Variants in CACNA1D observed in about 807,000 individuals in gnomAD.
CACNA1D encodes calcium voltage-gated channel subunit alpha1 D, also known as voltage-dependent L-type calcium channel subunit alpha-1D.
In CACNA1D, 55 loss-of-function variants were observed where a neutral mutation model predicts 257.1. The ratio of observed to expected loss-of-function variants is 0.21; its 90% confidence interval spans 0.17 to 0.27. The LOEUF (loss-of-function observed/expected upper bound fraction) is 0.27, where lower values mean the gene tolerates loss of function less well. CACNA1D is among the 10% of genes least tolerant of loss of function. CACNA1D has a pLI of 1.00. For missense variants in CACNA1D, 1,876 were observed against 2,784.0 expected (o/e 0.67, Z 7.34); for synonymous variants, 980 against 1,014.9 (o/e 0.97, Z 0.65).
intron 3 of CACNA1D, among the ~76,000 whole-genome samples, chr3:53,593,484 T>A (rs550729024): frequency 6.6e-6 from 1 of 152,220 alleles, no homozygotes; most frequent in African/African-American, 2.4e-5. Flanking sequence ...GTAAATACTT[T>A]GGAAGAAATA....
chr3:53,757,907 C>T (rs2095275551), intron 29 of CACNA1D, among the ~76,000 whole-genome samples: 1 of 152,214 alleles, frequency 6.6e-6, no homozygotes, highest in Non-Finnish European at 1.5e-5. Flanking sequence ...CTACTATGCA[C>T]CATCGTTACC....
At chr3:53,653,045 G>A (rs973170605) in intron 4 of CACNA1D, among the ~76,000 whole-genome samples, 2 of 152,182 alleles carry the variant, frequency 1.3e-5, no homozygotes, top group Admixed American at 1.3e-4. Flanking sequence ...GAGGTCGGGA[G>A]TTCAAGACCA....
At position 53,673,231 on chromosome 3, in the gene CACNA1D, TTA is replaced by T. The variant is rs747487892; in HGVS notation, c.1220+107_1220+108del. 299 of 724,666 alleles carry T rather than the reference TTA, an allele frequency of 4.1e-4. No homozygotes were observed. Among genetic ancestry groups the T allele is most frequent in the Non-Finnish European group, 6.9e-4 (284 of 412,750 alleles). 44.9% of individuals were successfully genotyped at this position (724,666 alleles called of 1,614,324 possible). ...CCGCCAAGAGGGGTTGCCAGACATT[TTA>T]TGTGTCCTCTGAGATGCTTTCTTTT... is the stretch of plus-strand genomic sequence containing the variant. On this transcript the variant is annotated intron_variant, in intron 8 of 47. Coordinates refer to ENST00000350061, the MANE Select transcript of CACNA1D (RefSeq NM_001128840.3). The surrounding 1 kb of genome is among the most constrained non-coding windows in gnomAD (Gnocchi z 4.1).
intron 29 of CACNA1D, among the ~76,000 whole-genome samples, chr3:53,754,707 T>G (rs992966855): frequency 2.6e-5 from 4 of 152,192 alleles, no homozygotes; most frequent in Non-Finnish European, 5.9e-5. Flanking sequence ...TCTTTCCCAG[T>G]ACAGCCAAAA....
intron 40 of CACNA1D, among the ~76,000 whole-genome samples, chr3:53,794,821 A>AT (rs2095500591): frequency 6.6e-6 from 1 of 152,224 alleles, no homozygotes; most frequent in Non-Finnish European, 1.5e-5. Flanking sequence ...TCCTTATGTT[A>AT]TGCAAATCAC....
intron 3 of CACNA1D, among the ~76,000 whole-genome samples, chr3:53,506,955 C>T (rs369902712): frequency 2.0e-5 from 3 of 151,762 alleles, no homozygotes; most frequent in African/African-American, 7.3e-5. Context: ...TGCCTGTAGT[C>T]CCAGCTATGT....
chr3:53,536,577 C>T (rs928929063), intron 3 of CACNA1D, among the ~76,000 whole-genome samples: 5 of 152,238 alleles, frequency 3.3e-5, no homozygotes, highest in Non-Finnish European at 5.9e-5. Context: ...GTGGCAAACA[C>T]GGCCCCCGGG....
chr3:53,679,306 A>G lies in CACNA1D; in HGVS notation c.1220+6180A>G, dbSNP rs868774524. On this transcript the variant is annotated intron_variant, in intron 8 of 47. Transcript: ENST00000350061. ...AAAAAAAAAAAAAAAAAAAAAAAAA[A>G]AGACTTTTCTCTCATTCAACACTTT... The G allele has an allele frequency of 1.1e-4, 15 of 138,002 alleles. No individual in the cohort carries two copies. In the South Asian group the frequency reaches 3.3e-3, roughly 31 times the overall value. 8.5% of individuals were successfully genotyped at this position (138,002 alleles called of 1,614,324 possible).
At chr3:53,769,745 A>G (rs561341631) in intron 30 of CACNA1D, among the ~76,000 whole-genome samples, 1 of 152,330 alleles carries the variant, frequency 6.6e-6, no homozygotes, top group East Asian at 1.9e-4. Context: ...TGGGCACAGC[A>G]TGTCCCCAGA....
At chr3:53,666,114 C>T (rs1032305198) in intron 6 of CACNA1D, among the ~76,000 whole-genome samples, 1 of 152,084 alleles carries the variant, frequency 6.6e-6, no homozygotes, top group Non-Finnish European at 1.5e-5. Flanking sequence ...ATGCTGTAAG[C>T]GCAGGTGCAG....
Position 53,808,730 on chromosome 3 carries a change from C to A in CACNA1D, c.5831C>A (p.Pro1944His). The change falls in exon 46 of 48, where the codon CCC becomes CAC. Residue 1944 changes from proline (P) to histidine (H), a missense_variant. Physicochemically the swap from Pro to His is moderately conservative, Grantham distance 77. This residue lies in a region of CACNA1D where 491 missense variants were observed against 554.3 expected (regional missense o/e 0.89). Transcript: ENST00000350061. ...GAGGTCCCGTCGTCTCCCATCTTCC[C>A]CCATCGCACGGCCCTGCCTCTGCAT... Reference protein sequence around the residue: ...QEEVPSSPIFPHRTALPLHLM... With the variant: ...QEEVPSSPIFHHRTALPLHLM... The A allele has an allele frequency of 3.1e-6, 5 of 1,608,890 alleles. No homozygotes were observed. Among genetic ancestry groups the A allele is most frequent in the Non-Finnish European group, 4.2e-6 (5 of 1,179,992 alleles).
rs547836498 is a variant in CACNA1D, at chr3:53,660,217, C to T, written c.708C>T (p.Val236=). The change falls in exon 5 of 48, where the codon GTC becomes GTT. Residue 236 remains valine (V), a synonymous_variant. Transcript: ENST00000350061. ...HSSGKSGGFD[V]KALRAFRVLR... is the part of the protein sequence containing the mutation. ...GCGGCAAATCTGGAGGCTTTGATGT[C>T]AAAGCCCTCCGTGCCTTTCGAGTGT... 12 of 1,614,056 alleles carry T rather than the reference C, an allele frequency of 7.4e-6. No individual in the cohort carries two copies. In the Admixed American group the frequency reaches 8.3e-5, roughly 11 times the overall value.
chr3:53,566,781 C>T (rs776347110), intron 3 of CACNA1D, among the ~76,000 whole-genome samples: 2 of 152,164 alleles, frequency 1.3e-5, no homozygotes, highest in Admixed American at 6.5e-5. Flanking sequence ...GCCTCTCTGT[C>T]GGAAACTTGC....
chr3:53,707,723 T>C (rs989430748), intron 9 of CACNA1D, among the ~76,000 whole-genome samples: 4 of 152,258 alleles, frequency 2.6e-5, no homozygotes, highest in African/African-American at 9.6e-5. Context: ...CAATGGAGTT[T>C]TGCTAGGACC....
intron 3 of CACNA1D, among the ~76,000 whole-genome samples, chr3:53,590,523 T>A (rs17053233): frequency 6.6e-6 from 1 of 152,186 alleles, no homozygotes; most frequent in Non-Finnish European, 1.5e-5. Flanking sequence ...CAAATGCCAT[T>A]GCCCAGACTG....
rs2095385203 is a variant in CACNA1D at position 53,774,464 on chromosome 3, G to A, written c.4111-123G>A. ...CAGATCTTTTTTGAATGAGTGAAGT[G>A]CCAGGTACCATGAGAAAACCCTAGC... On this transcript the variant is annotated intron_variant, in intron 33 of 47. Coordinates refer to ENST00000350061, the MANE Select transcript of CACNA1D (RefSeq NM_001128840.3). This position sits in a 1 kb window ranked among gnomAD's most constrained non-coding sequence, Gnocchi z 4.3. 1.4e-6 allele frequency: 1 copy of A among 710,814 alleles called. No individual in the cohort carries two copies. Among genetic ancestry groups the A allele is most frequent in the Non-Finnish European group, 2.6e-6 (1 of 388,730 alleles). The allele number at this position is 710,814 out of a possible 1,614,324, so 44.0% of individuals were successfully genotyped here. A position where few individuals can be genotyped will look rare whatever the true frequency, so the allele number is the denominator to read the frequency against.
intron 3 of CACNA1D, among the ~76,000 whole-genome samples, chr3:53,514,891 A>T (rs2091271442): frequency 6.6e-6 from 1 of 152,206 alleles, no homozygotes; most frequent in Non-Finnish European, 1.5e-5. Flanking sequence ...GAGCTAGTGC[A>T]TCTGTCCCAC....
chr3:53,777,026 A>C, intron 37 of CACNA1D, 70 bp downstream of exon 37: 1 of 1,156,226 alleles, frequency 8.6e-7, no homozygotes, highest in African/African-American at 1.5e-5. Flanking sequence ...AACACTTGTT[A>C]AGTGACACAG....
intron 3 of CACNA1D, among the ~76,000 whole-genome samples, chr3:53,502,260 T>G (rs2090637639): frequency 6.6e-6 from 1 of 152,172 alleles, no homozygotes; most frequent in Admixed American, 6.5e-5. Context: ...TTAAAGTTTC[T>G]ACTCCACGTC....
Sources: allele counts gnomAD v4.1 joint callset (sites outside exome capture counted in the v4.1 genomes callset), GRCh38; gene constraint gnomAD v4.1.1; regional missense constraint gnomAD v4.1.1; non-coding constraint Gnocchi (gnomAD v3.1); transcripts MANE v1.5; gene names NCBI Gene and HGNC (gene_info 2026-07-23, HGNC 2026-07-21).